The following RARB variants were observed in gnomAD, a reference collection of about 807,000 sequenced individuals.
The protein encoded by RARB is retinoic acid receptor beta.
A neutral mutation model predicts 51.9 loss-of-function variants in RARB; 17 were observed. The observed-to-expected ratio is 0.33, with a 90% CI of 0.22 to 0.49. RARB has a LOEUF of 0.49. RARB is among the 20% of genes least tolerant of loss of function. The pLI is 0.99. For missense variants in RARB, 369 were observed against 550.8 expected (o/e 0.67, Z 3.30); for synonymous variants, 215 against 195.4 (o/e 1.10, Z -0.84).
chr3:25,359,429 C>G (rs771619809), intron 5 of RARB, among the ~76,000 whole-genome samples: 25 of 151,844 alleles, frequency 1.6e-4, no homozygotes, highest in Non-Finnish European at 3.7e-4. Flanking sequence ...ATACCACCTC[C>G]TGGATTCATT....
chr3:25,246,294 T>G (rs1702559365), intron 5 of RARB, among the ~76,000 whole-genome samples: 1 of 152,110 alleles, frequency 6.6e-6, no homozygotes, highest in Admixed American at 6.5e-5. Context: ...GAGTTTGTTA[T>G]TACCCATCTT....
intron 4 of RARB, among the ~76,000 whole-genome samples, chr3:25,148,296 T>C (rs904333410): frequency 2.2e-4 from 33 of 152,324 alleles, no homozygotes; most frequent in Admixed American, 1.9e-3. Context: ...ATTGTTTCAA[T>C]TAATAGATGG....
intron 2 of RARB, among the ~76,000 whole-genome samples, chr3:24,918,692 G>T (rs898089918): frequency 6.6e-6 from 1 of 152,088 alleles, no homozygotes; most frequent in Non-Finnish European, 1.5e-5. Context: ...AGACCATCCT[G>T]GCCAACAGGC....
chr3:25,373,847 C>T (rs1053291415), intron 5 of RARB, among the ~76,000 whole-genome samples: 1 of 152,060 alleles, frequency 6.6e-6, no homozygotes, highest in Non-Finnish European at 1.5e-5. Context: ...TTTCCAGATC[C>T]AGGTAATGGG....
intron 5 of RARB, among the ~76,000 whole-genome samples, chr3:25,583,437 C>T (rs1307105637): frequency 6.6e-6 from 1 of 152,216 alleles, no homozygotes; most frequent in Non-Finnish European, 1.5e-5. Context: ...TGATTGAGTA[C>T]CGCCTGTTCA....
chr3:24,851,815 G>A (rs953248282), intron 1 of RARB, among the ~76,000 whole-genome samples: 8 of 152,126 alleles, frequency 5.3e-5, no homozygotes, highest in African/African-American at 1.4e-4. Context: ...CATGTTAAGA[G>A]AAAATTTTGA....
At chr3:25,024,674 G>A (rs533677630) in intron 2 of RARB, among the ~76,000 whole-genome samples, 4 of 152,182 alleles carry the variant, frequency 2.6e-5, no homozygotes, top group African/African-American at 2.4e-5. Flanking sequence ...AAAAAGAGCT[G>A]GGCACGGTGG....
chr3:25,318,722 C>T (rs556108657), intron 5 of RARB, among the ~76,000 whole-genome samples: 1 of 152,322 alleles, frequency 6.6e-6, no homozygotes, highest in Non-Finnish European at 1.5e-5. Flanking sequence ...TTTCTCCCAA[C>T]CACACAGCCA....
intron 2 of RARB, among the ~76,000 whole-genome samples, chr3:25,048,760 T>TTTC (rs1289088128): frequency 3.5e-5 from 5 of 144,798 alleles, no homozygotes; most frequent in Admixed American, 6.9e-5. Flanking sequence ...CACTTTTTTT[T>TTTC]TTTTTTTTTT....
chr3:25,228,224 T>TG (rs1553645930), intron 5 of RARB, among the ~76,000 whole-genome samples: 5 of 147,470 alleles, frequency 3.4e-5, no homozygotes, highest in Admixed American at 1.3e-4. Context: ...AGGGTTTTTT[T>TG]TTTTTTTTTT....
intron 2 of RARB, among the ~76,000 whole-genome samples, chr3:24,861,753 G>A (rs775181461): frequency 2.6e-5 from 4 of 152,144 alleles, no homozygotes; most frequent in Admixed American, 6.5e-5. Context: ...GATATCACAC[G>A]TCATGTAGCC....
chr3:25,237,466 C>G (rs1411371336), intron 5 of RARB, among the ~76,000 whole-genome samples: 1 of 151,998 alleles, frequency 6.6e-6, no homozygotes, highest in Admixed American at 6.6e-5. Context: ...AATGTATCTT[C>G]TAAACAGTTT....
intron 2 of RARB, among the ~76,000 whole-genome samples, chr3:24,975,602 T>C (rs1195094674): frequency 6.6e-6 from 1 of 150,666 alleles, no homozygotes; most frequent in Non-Finnish European, 1.5e-5. Context: ...AAGGAAAGAC[T>C]TAACTAGTTG....
intron 2 of RARB, among the ~76,000 whole-genome samples, chr3:24,984,879 C>G (rs1202572365): frequency 2.0e-5 from 3 of 152,182 alleles, no homozygotes; most frequent in Non-Finnish European, 4.4e-5. Flanking sequence ...AACGTAAGTT[C>G]CAAAAGCAAT....
chr3:25,007,107 A>G (rs917607234), intron 2 of RARB, among the ~76,000 whole-genome samples: 8 of 152,204 alleles, frequency 5.3e-5, no homozygotes, highest in African/African-American at 1.4e-4. Flanking sequence ...GACTTTTGGC[A>G]TCTGCCAAAC....
At chr3:24,957,158 G>A (rs1450322393) in intron 2 of RARB, among the ~76,000 whole-genome samples, 2 of 152,118 alleles carry the variant, frequency 1.3e-5, no homozygotes, top group Non-Finnish European at 1.5e-5. Flanking sequence ...GGGCTAATGA[G>A]TGCCTCACTT....
chr3:25,094,221 C>T (rs769173568), intron 3 of RARB, among the ~76,000 whole-genome samples: 1 of 152,150 alleles, frequency 6.6e-6, no homozygotes, highest in African/African-American at 2.4e-5. Context: ...TCCAGCTTAT[C>T]CACTGTTAAT....
At chr3:25,397,005 A>C (rs1707133545) in intron 5 of RARB, among the ~76,000 whole-genome samples, 1 of 152,054 alleles carries the variant, frequency 6.6e-6, no homozygotes, top group Admixed American at 6.5e-5. Flanking sequence ...CTGCTCTCTC[A>C]ACTGCCATGG....
intron 5 of RARB, among the ~76,000 whole-genome samples, chr3:25,207,129 T>A (rs1415411664): frequency 6.6e-6 from 1 of 152,140 alleles, no homozygotes; most frequent in African/African-American, 2.4e-5. Flanking sequence ...CAGGGGAAAA[T>A]GTATAAATCA....
Sources: gnomAD v4.1 joint callset for allele counts (sites outside exome capture counted in the v4.1 genomes callset) on GRCh38, gnomAD v4.1.1 for gene constraint, MANE v1.5 for transcripts, NCBI Gene and HGNC (gene_info 2026-07-23, HGNC 2026-07-21) for gene names.